Variants in ASB3 observed in about 807,000 individuals in gnomAD.
The protein encoded by ASB3 is ankyrin repeat and SOCS box containing 3, also known as ankyrin repeat and SOCS box protein 3.
A neutral mutation model predicts 54.5 loss-of-function variants in ASB3; 41 were observed. The ratio of observed to expected loss-of-function variants is 0.75; its 90% CI spans 0.59 to 0.98. ASB3 has a LOEUF of 0.98. Ranked by LOEUF, ASB3 falls within the 50% of genes least tolerant of loss-of-function variation. The pLI, the probability that ASB3 is intolerant of heterozygous loss-of-function variation, is 0.00. For missense variants in ASB3, 733 were observed against 620.0 expected, an observed-to-expected ratio of 1.18 and a Z score of -1.94; for synonymous variants, 266 against 221.2, an observed-to-expected ratio of 1.20 and a Z score of -1.80.
intron 7 of ASB3, among the ~76,000 whole-genome samples, chr2:53,701,310 CA>C (rs1669481827): frequency 6.6e-6 from 1 of 152,080 alleles, no homozygotes; most frequent in African/African-American, 2.4e-5. Context: ...TTAATTAACA[CA>C]AATTTAATTT....
chr2:53,734,336 C>A (rs964190566), intron 3 of ASB3, among the ~76,000 whole-genome samples: 3 of 152,198 alleles, frequency 2.0e-5, no homozygotes, highest in Non-Finnish European at 4.4e-5. Flanking sequence ...GTTTTCCTTT[C>A]CCTAAAAATA....
chr2:53,743,153 A>T (rs1203947634), intron 3 of ASB3, among the ~76,000 whole-genome samples: 2 of 145,334 alleles, frequency 1.4e-5, no homozygotes, highest in Non-Finnish European at 3.0e-5. Context: ...TAAGTGATTC[A>T]ATTTTTTTAC....
chr2:53,749,844 A>G (rs916182118), intron 3 of ASB3, among the ~76,000 whole-genome samples: 2 of 152,064 alleles, frequency 1.3e-5, no homozygotes, highest in Non-Finnish European at 2.9e-5. Flanking sequence ...GAATGGTTCT[A>G]TATCTTGATT....
intron 9 of ASB3, among the ~76,000 whole-genome samples, chr2:53,689,788 C>T (rs899944170): frequency 4.6e-5 from 7 of 152,164 alleles, no homozygotes; most frequent in Non-Finnish European, 8.8e-5. Flanking sequence ...CACAGATCAA[C>T]CTTCATTTTT....
Position 53,670,510 on chromosome 2 carries a change from T to A in ASB3, c.1550A>T (p.Asp517Val), listed in dbSNP as rs772077248. The A allele has an allele frequency of 1.9e-6, 3 of 1,613,512 alleles. No homozygotes were observed. The highest frequency in any genetic ancestry group is 1.7e-6 in the Non-Finnish European group (2 of 1,179,902). Reference protein sequence around the residue: ...YEVPELAAIQDG With the variant: ...YEVPELAAIQVG ...TTAAGTAGTTTCACTGATTTATCCATCTTGAATAGCTGCCAGTTCTGGAAC... is the reference window on the plus strand; with the variant it reads ...TTAAGTAGTTTCACTGATTTATCCAACTTGAATAGCTGCCAGTTCTGGAAC... Residue 517 changes from aspartate to valine, a missense_variant, in exon 10 of 10, where the codon GAT becomes GTT. By Grantham distance (152) the Asp-to-Val change is radical (BLOSUM62 -3). Coordinates refer to ENST00000263634, the MANE Select transcript of ASB3 (RefSeq NM_016115.5).
Position 53,721,965 on chromosome 2 carries a change from G to A in ASB3, c.605-5222C>T, listed in dbSNP as rs150921275. Among the ~76,000 whole-genome samples the A allele has an allele frequency of 1.4e-4, 21 of 152,012 alleles. No individual in the cohort carries two copies. In the East Asian group the frequency reaches 2.7e-3, roughly 20 times the overall value. On this transcript the variant is annotated intron_variant, in intron 5 of 9. Transcript: ENST00000263634. Reference sequence around the variant, plus strand: ...CTGCTAGCTAGATAAAAAAAAGAGCGAAGGTCCAAATAAGCACAATCTGAA... The same window carrying A: ...CTGCTAGCTAGATAAAAAAAAGAGCAAAGGTCCAAATAAGCACAATCTGAA...
intron 1 of ASB3, among the ~76,000 whole-genome samples, chr2:53,771,408 G>A (rs1673898182): frequency 6.6e-6 from 1 of 152,116 alleles, no homozygotes; most frequent in Non-Finnish European, 1.5e-5. Context: ...AACTACTCAG[G>A]AGGCTGAGGT....
At chr2:53,786,030 T>C (rs1674964165) in intron 1 of ASB3, among the ~76,000 whole-genome samples, 1 of 152,200 alleles carries the variant, frequency 6.6e-6, no homozygotes, top group South Asian at 2.1e-4. Flanking sequence ...TTGATTTGGT[T>C]CAAATCTGAG....
chr2:53,784,156 T>C (rs966523156), intron 1 of ASB3, among the ~76,000 whole-genome samples: 11 of 152,254 alleles, frequency 7.2e-5, no homozygotes, highest in African/African-American at 2.7e-4. Flanking sequence ...TAGCGAATGA[T>C]GATTGTATAA....
chr2:53,683,437 G>C (rs1194835120), intron 9 of ASB3, among the ~76,000 whole-genome samples: 2 of 150,786 alleles, frequency 1.3e-5, no homozygotes, highest in African/African-American at 4.9e-5. Context: ...GTTTTGTTTT[G>C]TTTTGTTTTT....
chr2:53,726,462 T>G (rs368374980), intron 5 of ASB3, among the ~76,000 whole-genome samples: 1 of 151,628 alleles, frequency 6.6e-6, no homozygotes, highest in South Asian at 2.1e-4. Flanking sequence ...GGTTTCACCA[T>G]GTTGTCCAGG....
At chr2:53,750,404 A>G (rs1479773060) in intron 3 of ASB3, among the ~76,000 whole-genome samples, 2 of 152,118 alleles carry the variant, frequency 1.3e-5, no homozygotes, top group African/African-American at 4.8e-5. Flanking sequence ...TTCTTCCATA[A>G]AAGCTTCTTA....
chr2:53,675,488 CAA>C (rs1461166128), intron 9 of ASB3, among the ~76,000 whole-genome samples: 3 of 152,046 alleles, frequency 2.0e-5, no homozygotes, highest in African/African-American at 7.2e-5. Flanking sequence ...TCTAGCAATT[CAA>C]AGAGTTGGTT....
chr2:53,723,628 C>T (rs945837603), intron 5 of ASB3, among the ~76,000 whole-genome samples: 4 of 152,110 alleles, frequency 2.6e-5, no homozygotes, highest in Non-Finnish European at 5.9e-5. Context: ...ATAGCCAAAG[C>T]AATACCAAGC....
chr2:53,751,176 CT>C (rs1219283328), intron 2 of ASB3, among the ~76,000 whole-genome samples: 1 of 152,112 alleles, frequency 6.6e-6, no homozygotes, highest in Admixed American at 6.6e-5. Flanking sequence ...CCCATTTTCT[CT>C]TCTCTAATTT....
At chr2:53,752,967 AAAAGACAT>A (rs1236990153) in intron 2 of ASB3, among the ~76,000 whole-genome samples, 1 of 152,182 alleles carries the variant, frequency 6.6e-6, no homozygotes, top group African/African-American at 2.4e-5. Context: ...AAAAAGAAAA[AAAAGACAT>A]AAAGTTTAAT....
intron 9 of ASB3, among the ~76,000 whole-genome samples, chr2:53,679,795 T>G (rs550359721): frequency 1.3e-5 from 2 of 152,186 alleles, no homozygotes; most frequent in African/African-American, 2.4e-5. Flanking sequence ...GTTCATTACG[T>G]AGATAAACTT....
intron 8 of ASB3, among the ~76,000 whole-genome samples, chr2:53,698,153 C>A (rs1004772743): frequency 6.6e-6 from 1 of 152,168 alleles, no homozygotes; most frequent in African/African-American, 2.4e-5. Flanking sequence ...TCCATGCCCC[C>A]ACAGCTCTTG....
intron 5 of ASB3, among the ~76,000 whole-genome samples, chr2:53,727,701 A>C (rs1671081897): frequency 6.6e-6 from 1 of 152,152 alleles, no homozygotes; most frequent in East Asian, 1.9e-4. Flanking sequence ...AAGGAAGTTT[A>C]TAAAAAGCCT....
Sources: allele counts gnomAD v4.1 joint callset (sites outside exome capture counted in the v4.1 genomes callset), GRCh38; gene constraint gnomAD v4.1.1; transcripts MANE v1.5; gene names NCBI Gene and HGNC (gene_info 2026-07-23, HGNC 2026-07-21).